PTPN9: variants seen among roughly 807,000 people sequenced by gnomAD.
PTPN9 encodes the protein protein tyrosine phosphatase non-receptor type 9.
A neutral mutation model predicts 69.8 loss-of-function variants in PTPN9; 26 were observed. That is an observed-to-expected ratio of 0.37 (90% CI 0.27 to 0.52). The LOEUF (loss-of-function observed/expected upper bound fraction) is 0.52, where lower values mean the gene tolerates loss of function less well. Ranked by LOEUF, PTPN9 falls within the 20% of genes least tolerant of loss-of-function variation. PTPN9 has a pLI of 0.91. For synonymous variants in PTPN9, 274 were observed against 272.5 expected, an observed-to-expected ratio of 1.01 and a Z score of -0.05; for missense variants, 549 against 740.3, an observed-to-expected ratio of 0.74 and a Z score of 3.00.
chr15:75,516,258 G>A (rs1215219971), intron 5 of PTPN9, among the ~76,000 whole-genome samples: 2 of 151,510 alleles, frequency 1.3e-5, no homozygotes, highest in South Asian at 2.1e-4. Context: ...TAGATATCTT[G>A]GGGATGGGAC....
chr15:75,502,274 C>T (rs1372891568), intron 7 of PTPN9, among the ~76,000 whole-genome samples: 1 of 151,984 alleles, frequency 6.6e-6, no homozygotes, highest in Non-Finnish European at 1.5e-5. Flanking sequence ...TCGTGAAACC[C>T]TGTCTCTACT....
At chr15:75,569,104 T>C (rs2075138180) in intron 1 of PTPN9, among the ~76,000 whole-genome samples, 1 of 152,002 alleles carries the variant, frequency 6.6e-6, no homozygotes, top group Non-Finnish European at 1.5e-5. Context: ...AAATAATTGA[T>C]TAGGAAAAAG....
chr15:75,523,391 G>A (rs1445897383), intron 3 of PTPN9, 146 bp from the exon 4 acceptor site: 2 of 905,054 alleles, frequency 2.2e-6, no homozygotes, highest in East Asian at 5.4e-5. Flanking sequence ...GCTGTCCAAA[G>A]GGAAGAGTGT....
rs374389068 is a variant in PTPN9 at position 75,547,458 on chromosome 15, G to A, written c.64-20197C>T. ...CTAAAAATACATAAATTAGCCAGGC[G>A]TGGTGGCAGACAAAACAAAACAAAA... On this transcript the variant is annotated intron_variant, in intron 1 of 12. Coordinates refer to ENST00000618819, the MANE Select transcript of PTPN9 (RefSeq NM_002833.4). 7.9e-5 allele frequency among the ~76,000 whole-genome samples: 12 copies of A among 151,962 alleles called. No homozygotes were observed. The South Asian group carries it at 1.0e-3, about 13-fold the overall frequency.
intron 1 of PTPN9, among the ~76,000 whole-genome samples, chr15:75,563,185 AT>A (rs528384624): frequency 2.6e-5 from 4 of 151,572 alleles, no homozygotes; most frequent in African/African-American, 7.3e-5. Context: ...AATGTATGGC[AT>A]TTTTTTTCTC....
At chr15:75,521,004 G>A (rs1390850638) in intron 4 of PTPN9, among the ~76,000 whole-genome samples, 1 of 151,804 alleles carries the variant, frequency 6.6e-6, no homozygotes, top group Non-Finnish European at 1.5e-5. Context: ...ATACCACCAT[G>A]CCTGGCTGCC....
At chr15:75,548,614 ATTTTTG>A (rs1012537170) in intron 1 of PTPN9, among the ~76,000 whole-genome samples, 5 of 147,822 alleles carry the variant, frequency 3.4e-5, no homozygotes, top group African/African-American at 1.3e-4. Context: ...TTTTGTTTTA[ATTTTTG>A]TTTTTGTTTT....
intron 7 of PTPN9, among the ~76,000 whole-genome samples, chr15:75,504,945 C>T (rs2074809705): frequency 6.6e-6 from 1 of 152,156 alleles, no homozygotes; most frequent in Non-Finnish European, 1.5e-5. Flanking sequence ...CAGCCACCAC[C>T]TCGTCTGGGA....
chr15:75,504,461 C>A (rs1433016403), intron 7 of PTPN9, among the ~76,000 whole-genome samples: 3 of 130,042 alleles, frequency 2.3e-5, no homozygotes, highest in Non-Finnish European at 4.9e-5. Context: ...CGGCCAGCCG[C>A]CCGGTCCGGG....
At chr15:75,548,677 A>G (rs11855087) in intron 1 of PTPN9, among the ~76,000 whole-genome samples, 83,691 of 139,374 alleles carry the variant, frequency 0.6, 26,104 homozygotes, top group African/African-American at 0.8. Flanking sequence ...TTTTTGAGAC[A>G]GAGTCTTGCT....
At chr15:75,494,199 CTAACA>C (rs1012657276) in intron 7 of PTPN9, among the ~76,000 whole-genome samples, 5 of 149,392 alleles carry the variant, frequency 3.3e-5, no homozygotes, top group African/African-American at 4.9e-5. Flanking sequence ...CGAGCGAGAA[CTAACA>C]TAATACAAGG....
intron 1 of PTPN9, among the ~76,000 whole-genome samples, chr15:75,539,484 T>C (rs564971857): frequency 1.3e-5 from 2 of 148,602 alleles, no homozygotes; most frequent in East Asian, 2.0e-4. Flanking sequence ...TTGTGTGTGT[T>C]TTTAGTAGAG....
chr15:75,558,001 C>A (rs2075084764), intron 1 of PTPN9, among the ~76,000 whole-genome samples: 1 of 151,982 alleles, frequency 6.6e-6, no homozygotes, highest in Admixed American at 6.6e-5. Flanking sequence ...TCAAGACCAG[C>A]CTGGCCAACA....
chr15:75,479,641 C>G (rs1278782555), intron 9 of PTPN9, among the ~76,000 whole-genome samples: 6 of 152,094 alleles, frequency 3.9e-5, no homozygotes. Flanking sequence ...TATCTCTATG[C>G]GGTGAGTTTC....
At chr15:75,577,779 T>C (rs754104290) in intron 1 of PTPN9, among the ~76,000 whole-genome samples, 2 of 152,188 alleles carry the variant, frequency 1.3e-5, no homozygotes, top group African/African-American at 4.8e-5. Context: ...TTATTTTTTT[T>C]ATTTATAACA....
chr15:75,483,801 T>G (rs1245707878), intron 8 of PTPN9, among the ~76,000 whole-genome samples: 1 of 152,208 alleles, frequency 6.6e-6, no homozygotes, highest in Non-Finnish European at 1.5e-5. Context: ...AAGCAGGATG[T>G]TGGCAAACTG....
intron 4 of PTPN9, among the ~76,000 whole-genome samples, chr15:75,521,329 G>A (rs1595960035): frequency 1.3e-5 from 2 of 151,024 alleles, no homozygotes; most frequent in South Asian, 2.1e-4. Flanking sequence ...GCAGGCGCCT[G>A]TAGTCCCAGC....
chr15:75,506,102 A>T, intron 6 of PTPN9, 99 bp from the exon 7 acceptor site: 1 of 960,146 alleles, frequency 1.0e-6, no homozygotes. Context: ...GGAGGATGGG[A>T]TAAGATTTTC....
chr15:75,550,012 C>T (rs1217370023), intron 1 of PTPN9, among the ~76,000 whole-genome samples: 3 of 149,242 alleles, frequency 2.0e-5, no homozygotes, highest in Non-Finnish European at 4.4e-5. Context: ...TCTTGATAAA[C>T]TCCTTTTTCC....
Sources: allele counts gnomAD v4.1 joint callset (sites outside exome capture counted in the v4.1 genomes callset), GRCh38; gene constraint gnomAD v4.1.1; transcripts MANE v1.5; gene names NCBI Gene and HGNC (gene_info 2026-07-23, HGNC 2026-07-21).